The following DPP10 variants were observed in gnomAD, a reference collection of about 807,000 sequenced individuals.
DPP10 encodes the protein inactive dipeptidyl peptidase 10.
A neutral mutation model predicts 120.9 loss-of-function variants in DPP10; 33 were observed. The ratio of observed to expected loss-of-function variants is 0.27; its 90% confidence interval spans 0.21 to 0.37. The LOEUF is 0.37. Ranked by LOEUF, DPP10 falls within the 10% of genes least tolerant of loss-of-function variation. The pLI is 1.00. For synonymous variants in DPP10, 337 were observed against 326.1 expected, an observed-to-expected ratio of 1.03 and a Z score of -0.36; for missense variants, 816 against 942.8, an observed-to-expected ratio of 0.87 and a Z score of 1.76.
chr2:115,234,492 T>C (rs1050053484), intron 1 of DPP10: 1 of 152,566 alleles, frequency 6.6e-6, no homozygotes, highest in Non-Finnish European at 1.5e-5. Flanking sequence ...TAGATTTTAC[T>C]AAACTGGCCC....
chr2:114,811,247 G>A (rs986766329), intron 1 of DPP10, among the ~76,000 whole-genome samples: 4 of 152,176 alleles, frequency 2.6e-5, no homozygotes, highest in African/African-American at 9.7e-5. Flanking sequence ...TGCAAATGAT[G>A]CAGCTTAGTC....
intron 5 of DPP10, among the ~76,000 whole-genome samples, chr2:115,637,199 T>C (rs963792337): frequency 7.9e-5 from 12 of 152,140 alleles, no homozygotes; most frequent in Non-Finnish European, 1.2e-4. Context: ...GGCAAAAATG[T>C]GACTAAATCA....
At chr2:114,576,958 A>G (rs1690103608) in intron 1 of DPP10, among the ~76,000 whole-genome samples, 1 of 152,108 alleles carries the variant, frequency 6.6e-6, no homozygotes, top group Admixed American at 6.6e-5. Flanking sequence ...AGGCAAGAAG[A>G]CATAGTTAAT....
intron 1 of DPP10, among the ~76,000 whole-genome samples, chr2:115,052,633 T>G (rs1292112400): frequency 6.6e-6 from 1 of 152,130 alleles, no homozygotes; most frequent in Non-Finnish European, 1.5e-5. Context: ...AGATACCACT[T>G]CATACCCACT....
chr2:115,263,760 G>A (rs994148617), intron 1 of DPP10, among the ~76,000 whole-genome samples: 1 of 152,124 alleles, frequency 6.6e-6, no homozygotes, highest in Non-Finnish European at 1.5e-5. Context: ...TTGCTCCATC[G>A]GATTAGTATT....
Position 115,411,545 on chromosome 2 carries a change from A to G in DPP10, c.271+67633A>G, listed in dbSNP as rs2068958521. On this transcript the variant is annotated intron_variant, in intron 3 of 25. Coordinates refer to ENST00000410059, the MANE Select transcript of DPP10 (RefSeq NM_020868.6). ...GGTATTTATGAAGCTTTGGAATATGATTTAAAGAAGTTCTTTTATGAGAGA... is the reference window on the plus strand; with the variant it reads ...GGTATTTATGAAGCTTTGGAATATGGTTTAAAGAAGTTCTTTTATGAGAGA... Among the ~76,000 whole-genome samples the G allele has an allele frequency of 2.0e-5, 3 of 152,258 alleles. No individual in the cohort carries two copies. In the South Asian group the frequency reaches 6.2e-4, roughly 32 times the overall value.
intron 21 of DPP10, among the ~76,000 whole-genome samples, chr2:115,827,095 CATTTTTTATAAT>C (rs1488925348): frequency 6.6e-6 from 1 of 151,712 alleles, no homozygotes; most frequent in Non-Finnish European, 1.5e-5. Context: ...ATTAAAAGAG[CATTTTTTATAAT>C]AAAATTTGCT....
At chr2:114,605,884 C>G (rs1692747516) in intron 1 of DPP10, among the ~76,000 whole-genome samples, 1 of 152,064 alleles carries the variant, frequency 6.6e-6, no homozygotes, top group African/African-American at 2.4e-5. Context: ...CTTTTCATCT[C>G]TAAGTCTGTT....
intron 1 of DPP10, among the ~76,000 whole-genome samples, chr2:115,242,519 G>C (rs2058334385): frequency 1.3e-5 from 2 of 152,120 alleles, no homozygotes; most frequent in African/African-American, 4.8e-5. Context: ...CCTCTGGGTA[G>C]ATACCCAACA....
chr2:114,966,594 TC>T (rs752629368), intron 1 of DPP10, among the ~76,000 whole-genome samples: 3 of 152,194 alleles, frequency 2.0e-5, no homozygotes, highest in Admixed American at 6.5e-5. Context: ...AAACATCTTT[TC>T]TTCACAGACA....
intron 19 of DPP10, among the ~76,000 whole-genome samples, chr2:115,795,959 A>C (rs986007056): frequency 6.6e-6 from 1 of 151,958 alleles, no homozygotes; most frequent in African/African-American, 2.4e-5. Flanking sequence ...TGCTAGGTTG[A>C]ACTTGGCAAA....
intron 5 of DPP10, among the ~76,000 whole-genome samples, chr2:115,622,997 C>G (rs1233259504): frequency 2.0e-5 from 3 of 152,024 alleles, no homozygotes; most frequent in South Asian, 2.1e-4. Flanking sequence ...CGCCCGCCCC[C>G]ACGCCTGACT....
At chr2:114,829,955 T>G (rs1274802131) in intron 1 of DPP10, among the ~76,000 whole-genome samples, 1 of 152,054 alleles carries the variant, frequency 6.6e-6, no homozygotes, top group Non-Finnish European at 1.5e-5. Flanking sequence ...CGCTGCGGCC[T>G]GTCTTGAACC....
At chr2:115,337,163 C>T (rs1428556571) in intron 2 of DPP10, among the ~76,000 whole-genome samples, 3 of 150,702 alleles carry the variant, frequency 2.0e-5, no homozygotes, top group Admixed American at 6.6e-5. Context: ...AAAAAAATTC[C>T]TACATTTTAG....
chr2:115,175,708 G>A (rs2053640433), intron 1 of DPP10, among the ~76,000 whole-genome samples: 1 of 152,086 alleles, frequency 6.6e-6, no homozygotes, highest in Non-Finnish European at 1.5e-5. Flanking sequence ...GTTCTGTATT[G>A]GTGTTTTCCA....
intron 1 of DPP10, among the ~76,000 whole-genome samples, chr2:114,534,737 A>G (rs1386817449): frequency 6.6e-6 from 1 of 151,992 alleles, no homozygotes; most frequent in Non-Finnish European, 1.5e-5. Flanking sequence ...CGTATCAACA[A>G]TTTTATGGTG....
chr2:114,462,804 T>C (rs1679038947), intron 1 of DPP10, among the ~76,000 whole-genome samples: 2 of 152,298 alleles, frequency 1.3e-5, no homozygotes, highest in South Asian at 2.1e-4. Flanking sequence ...AGGGCAAGTA[T>C]CAACATAAAT....
chr2:114,544,587 C>A (rs1341234933), intron 1 of DPP10, among the ~76,000 whole-genome samples: 1 of 151,898 alleles, frequency 6.6e-6, no homozygotes, highest in Non-Finnish European at 1.5e-5. Flanking sequence ...AGAGTATAGA[C>A]CACTAATTAC....
intron 5 of DPP10, among the ~76,000 whole-genome samples, chr2:115,552,714 A>G (rs1219825374): frequency 6.6e-6 from 1 of 152,108 alleles, no homozygotes; most frequent in Non-Finnish European, 1.5e-5. Flanking sequence ...ATATTCATCA[A>G]TATTCATCAA....
Sources: allele counts gnomAD v4.1 joint callset (sites outside exome capture counted in the v4.1 genomes callset), GRCh38; gene constraint gnomAD v4.1.1; transcripts MANE v1.5; gene names NCBI Gene and HGNC (gene_info 2026-07-23, HGNC 2026-07-21).